Variants in DAB1 observed in about 807,000 individuals in gnomAD.
The protein encoded by DAB1 is disabled homolog 1.
DAB1 carries 15 observed loss-of-function variants against 64.6 expected under a neutral mutation model. That is an observed-to-expected ratio of 0.23 (90% CI 0.16 to 0.36). The LOEUF (loss-of-function observed/expected upper bound fraction) is 0.36, where lower values mean the gene tolerates loss of function less well. Ranked by LOEUF, DAB1 falls within the 10% of genes least tolerant of loss-of-function variation. The probability of loss-of-function intolerance (pLI) is 1.00; values close to 1 mark genes in which losing one functional copy is unlikely to be tolerated. For missense variants in DAB1, 596 were observed against 706.7 expected, an observed-to-expected ratio of 0.84 and a Z score of 1.78; for synonymous variants, 235 against 251.9, an observed-to-expected ratio of 0.93 and a Z score of 0.64.
intron 4 of DAB1, among the ~76,000 whole-genome samples, chr1:58,240,297 T>C (rs1660234420): frequency 6.6e-6 from 1 of 152,240 alleles, no homozygotes; most frequent in South Asian, 2.1e-4. Context: ...GTGCAACTTC[T>C]GATCATATCC....
At chr1:57,291,941 T>C (rs556477198) in intron 1 of DAB1, among the ~76,000 whole-genome samples, 4 of 152,318 alleles carry the variant, frequency 2.6e-5, no homozygotes, top group South Asian at 2.1e-4. Flanking sequence ...GCTTCACATA[T>C]AGTGTCTCAC....
chr1:57,504,874 A>C (rs1236590506), intron 7 of DAB1, among the ~76,000 whole-genome samples: 1 of 152,204 alleles, frequency 6.6e-6, no homozygotes, highest in Non-Finnish European at 1.5e-5. Flanking sequence ...AATATCAGAC[A>C]TCCCATTTGA....
intron 5 of DAB1, chr1:58,074,564 G>GTGTGTGTA (rs1332531604): frequency 2.4e-4 from 22 of 91,636 alleles, no homozygotes; most frequent in Middle Eastern, 6.5e-3. Flanking sequence ...ATATATGTGT[G>GTGTGTGTA]TATATATATA....
intron 5 of DAB1, among the ~76,000 whole-genome samples, chr1:57,910,750 A>T (rs1197191744): frequency 6.6e-6 from 1 of 152,196 alleles, no homozygotes. Flanking sequence ...GCCTCTAAGA[A>T]TCTCTCAAGA....
intron 6 of DAB1, among the ~76,000 whole-genome samples, chr1:57,771,298 T>A (rs1413663313): frequency 6.6e-6 from 1 of 152,082 alleles, no homozygotes; most frequent in Non-Finnish European, 1.5e-5. Flanking sequence ...GCCAGCAAAA[T>A]TCAGAAAATG....
At position 57,019,614 on chromosome 1, in the gene DAB1, C is replaced by T. The variant is rs140155399; in HGVS notation, c.895+3917G>A. On this transcript the variant is annotated intron_variant, in intron 11 of 14. Coordinates refer to ENST00000371236, the MANE Select transcript of DAB1 (RefSeq NM_001365792.1). Reference sequence around the variant, plus strand: ...CTGGCCACATGGTCTTGTGCATGAGCGAAGGGACACGTCAGCAGCAGGACA... The same window carrying T: ...CTGGCCACATGGTCTTGTGCATGAGTGAAGGGACACGTCAGCAGCAGGACA... 1.7e-4 allele frequency among the ~76,000 whole-genome samples: 26 copies of T among 152,292 alleles called. No individual in the cohort carries two copies. The East Asian group carries it at 3.5e-3, about 20-fold the overall frequency.
At chr1:58,474,578 C>T (rs1489799904) in intron 3 of DAB1, among the ~76,000 whole-genome samples, 1 of 152,116 alleles carries the variant, frequency 6.6e-6, no homozygotes, top group Non-Finnish European at 1.5e-5. Flanking sequence ...GTTCCTGAGG[C>T]TGCTGGGCCT....
chr1:57,684,649 C>T (rs1420121834), intron 6 of DAB1, among the ~76,000 whole-genome samples: 1 of 152,120 alleles, frequency 6.6e-6, no homozygotes, highest in East Asian at 1.9e-4. Context: ...AAGAATGACA[C>T]CTTCTACCAC....
intron 4 of DAB1, among the ~76,000 whole-genome samples, chr1:58,242,206 G>A (rs767495273): frequency 2.9e-4 from 44 of 151,956 alleles, no homozygotes; most frequent in African/African-American, 9.4e-4. Context: ...TTTCCATAGC[G>A]TTTTAAGTGA....
At chr1:57,621,516 T>C (rs1183978860) in intron 7 of DAB1, among the ~76,000 whole-genome samples, 2 of 151,784 alleles carry the variant, frequency 1.3e-5, no homozygotes, top group Admixed American at 6.6e-5. Context: ...TTCTGCAGGG[T>C]TTGGGGGAAA....
At chr1:58,434,402 A>T (rs1341935406) in intron 3 of DAB1, among the ~76,000 whole-genome samples, 1 of 122,334 alleles carries the variant, frequency 8.2e-6, no homozygotes, top group Non-Finnish European at 1.7e-5. Flanking sequence ...GATGTAGGAC[A>T]TGAGAAAAAG....
At chr1:57,383,224 A>G (rs913550954) in intron 1 of DAB1, among the ~76,000 whole-genome samples, 1 of 152,162 alleles carries the variant, frequency 6.6e-6, no homozygotes, top group African/African-American at 2.4e-5. Flanking sequence ...TTAATTTTTT[A>G]AAAAATGTAT....
chr1:58,361,863 CTTTTTTTTT>C (rs34029239), intron 3 of DAB1, among the ~76,000 whole-genome samples: 1 of 84,022 alleles, frequency 1.2e-5, no homozygotes, highest in Non-Finnish European at 2.1e-5. Context: ...AAAGATCCCC[CTTTTTTTTT>C]TTTTTTTTTT....
chr1:57,224,625 T>TA, intron 2 of DAB1, among the ~76,000 whole-genome samples: 1 of 152,368 alleles, frequency 6.6e-6, no homozygotes. Context: ...GGGGAAGGTC[T>TA]GGAGCTCAAT....
rs17116672 is a variant in DAB1, at chr1:57,995,210, A to C, written n.388-111048T>G. ...AAGTTTTTAAATGCAGGAACCTCCT[A>C]ATATCAGGTGAGGGTTACACATGAA... is the stretch of plus-strand genomic sequence containing the variant. On this transcript the variant is annotated intron_variant and non_coding_transcript_variant, in intron 5 of 20. Coordinates refer to the DAB1 transcript ENST00000485760. Among the ~76,000 whole-genome samples, 1,460 of 152,324 alleles carry C rather than the reference A, an allele frequency of 9.6e-3. 44 individuals are homozygous for C. The highest frequency in any genetic ancestry group is 0.083 in the East Asian group (428 of 5,180).
intron 1 of DAB1, among the ~76,000 whole-genome samples, chr1:57,300,712 C>T (rs1673574612): frequency 6.6e-6 from 1 of 152,032 alleles, no homozygotes; most frequent in South Asian, 2.1e-4. Flanking sequence ...CCAAGGAGGC[C>T]CGAAGAAAAT....
chr1:58,478,306 T>C (rs1305042835), intron 3 of DAB1, among the ~76,000 whole-genome samples: 1 of 152,192 alleles, frequency 6.6e-6, no homozygotes, highest in Non-Finnish European at 1.5e-5. Context: ...TGTAGAACTG[T>C]GAGTCAATTA....
intron 5 of DAB1, among the ~76,000 whole-genome samples, chr1:58,128,204 T>G (rs1373293168): frequency 1.1e-4 from 16 of 151,938 alleles, no homozygotes; most frequent in Admixed American, 9.8e-4. Flanking sequence ...CCTAGGTATT[T>G]TATTCTCTTT....
At position 57,905,181 on chromosome 1, in the gene DAB1, T is replaced by C. The variant is rs76440370; in HGVS notation, n.388-21019A>G. 2.0e-5 allele frequency among the ~76,000 whole-genome samples: 3 copies of C among 152,072 alleles called. No individual in the cohort carries two copies. In the East Asian group the frequency reaches 5.9e-4, roughly 30 times the overall value. On this transcript the variant is annotated intron_variant and non_coding_transcript_variant, in intron 5 of 20. Coordinates refer to the DAB1 transcript ENST00000485760. The stretch of plus-strand genomic sequence containing the variant: ...TCACAAAACTAATAGGTGTTGAGGC[T>C]AAGATTTGAACCCACACAGTCTGGC...
Sources: allele counts gnomAD v4.1 joint callset (sites outside exome capture counted in the v4.1 genomes callset), GRCh38; gene constraint gnomAD v4.1.1; transcripts MANE v1.5; gene names NCBI Gene and HGNC (gene_info 2026-07-23, HGNC 2026-07-21).